Variants in CLDN16 observed in about 807,000 individuals in gnomAD.
CLDN16 encodes claudin-16.
In CLDN16, 13 loss-of-function variants were observed where a neutral mutation model predicts 24.6. The observed-to-expected ratio is 0.53, with a 90% confidence interval of 0.34 to 0.84. The LOEUF is 0.84. Among genes scored for constraint, CLDN16 ranks in the 40% least tolerant of loss-of-function variants. CLDN16 has a pLI of 0.01. For synonymous variants in CLDN16, 116 were observed against 106.7 expected, an observed-to-expected ratio of 1.09 and a Z score of -0.54; for missense variants, 298 against 292.7, an observed-to-expected ratio of 1.02 and a Z score of -0.13.
intron 1 of CLDN16, among the ~76,000 whole-genome samples, chr3:190,365,596 C>T (rs1718003952): frequency 6.7e-6 from 1 of 149,778 alleles, no homozygotes; most frequent in African/African-American, 2.5e-5. Flanking sequence ...ATACTATTTT[C>T]CAGGATCCTT....
intron 1 of CLDN16, 49 bp from the exon 2 acceptor site, chr3:190,402,288 A>G (rs1718981772): frequency 7.2e-7 from 1 of 1,395,286 alleles, no homozygotes; most frequent in Non-Finnish European, 1.0e-6. Context: ...AGGGGAACTG[A>G]ACTGTGCCTG....
At chr3:190,301,973 T>C in the CLDN16 span, among the ~76,000 whole-genome samples, 4 of 152,324 alleles carry the variant, frequency 2.6e-5, no homozygotes, top group South Asian at 8.3e-4. Context: ...GTCTTTAGAA[T>C]GGTCTGTCAT....
chr3:190,372,786 T>G (rs1718169327), intron 2 of CLDN16, among the ~76,000 whole-genome samples: 2 of 151,934 alleles, frequency 1.3e-5, no homozygotes, highest in Non-Finnish European at 2.9e-5. Flanking sequence ...ATAAAAGCAG[T>G]CATTTGTCAA....
chr3:190,389,013 T>C (rs1373334656), intron 1 of CLDN16, among the ~76,000 whole-genome samples: 1 of 152,182 alleles, frequency 6.6e-6, no homozygotes, highest in African/African-American at 2.4e-5. Context: ...TGCATCCCAA[T>C]GTACGGGGGA....
intron 1 of CLDN16, among the ~76,000 whole-genome samples, chr3:190,329,312 A>T (rs530894673): frequency 2.0e-5 from 3 of 152,134 alleles, no homozygotes; most frequent in Non-Finnish European, 4.4e-5. Flanking sequence ...ATCTATTCTG[A>T]GCTAAGAGCC....
chr3:190,379,730 C>G (rs546062894), intron 3 of CLDN16, among the ~76,000 whole-genome samples: 11 of 152,094 alleles, frequency 7.2e-5, no homozygotes, highest in Admixed American at 3.9e-4. Flanking sequence ...TTTCTTAATA[C>G]AGTGATGCAC....
At chr3:190,351,291 C>T (rs1045609814) in intron 1 of CLDN16, among the ~76,000 whole-genome samples, 13 of 152,104 alleles carry the variant, frequency 8.5e-5, no homozygotes, top group Non-Finnish European at 1.6e-4. Flanking sequence ...ACTTAGTCTC[C>T]GGTGTTCCTT....
At chr3:190,405,031 G>A in intron 3 of CLDN16, 105 bp downstream of exon 3, 1 of 1,157,746 alleles carries the variant, frequency 8.6e-7, no homozygotes, top group Non-Finnish European at 1.3e-6. Context: ...ATTATATGTG[G>A]CTTCCCTTTC....
chr3:190,359,045 A>G (rs763151958), intron 1 of CLDN16, among the ~76,000 whole-genome samples: 2 of 152,032 alleles, frequency 1.3e-5, no homozygotes, highest in African/African-American at 4.8e-5. Context: ...GTTTTGATAC[A>G]TGTATTTACT....
chr3:190,363,556 G>GTGTGTGTATATATATA (rs1301414615), intron 1 of CLDN16, among the ~76,000 whole-genome samples: 2 of 87,430 alleles, frequency 2.3e-5, no homozygotes, highest in African/African-American at 9.5e-5. Flanking sequence ...GTGTGTGTGT[G>GTGTGTGTATATATATA]TATATATATA....
chr3:190,308,931 G>C, the CLDN16 span, among the ~76,000 whole-genome samples: 11 of 152,174 alleles, frequency 7.2e-5, no homozygotes, highest in Non-Finnish European at 1.2e-4. Flanking sequence ...GTAAAGAAAA[G>C]TTCTAAGCAG....
chr3:190,409,219 C>CGTATATGCATGTATATATGCACACAT (rs1719199386), intron 4 of CLDN16, among the ~76,000 whole-genome samples: 2 of 150,990 alleles, frequency 1.3e-5, no homozygotes, highest in Non-Finnish European at 1.5e-5. Flanking sequence ...TATGCACACA[C>CGTATATGCATGTATATATGCACACAT]GTATATGCAT....
chr3:190,391,731 A>G (rs570634217), intron 1 of CLDN16, among the ~76,000 whole-genome samples: 32 of 152,304 alleles, frequency 2.1e-4, no homozygotes, highest in African/African-American at 7.7e-4. Flanking sequence ...CTTTTTGCCT[A>G]CCACACTCTA....
chr3:190,298,348 TACACACACAC>T, the CLDN16 span, among the ~76,000 whole-genome samples: 1 of 147,854 alleles, frequency 6.8e-6, no homozygotes, highest in Non-Finnish European at 1.5e-5. Flanking sequence ...ATGTATATTA[TACACACACAC>T]ACACACACAC....
At chr3:190,326,542 G>A (rs1324599754) in intron 1 of CLDN16, among the ~76,000 whole-genome samples, 1 of 152,168 alleles carries the variant, frequency 6.6e-6, no homozygotes, top group Non-Finnish European at 1.5e-5. Context: ...TAATGCCTGA[G>A]GGCTTCTTCT....
Position 190,377,868 on chromosome 3 carries a change from C to T in CLDN16, n.306+3265C>T, listed in dbSNP as rs188503210. On this transcript the variant is annotated intron_variant and non_coding_transcript_variant, in intron 3 of 4. Transcript: ENST00000468220. The stretch of plus-strand genomic sequence containing the variant: ...TCCTGGGAAAATACTTGCCTGCAAC[C>T]TTATTTATTCATCTGTAAAAGGAAT... Among the ~76,000 whole-genome samples, 46 of 151,952 alleles carry T rather than the reference C, an allele frequency of 3.0e-4. 2 individuals carry two copies. In the East Asian group the frequency reaches 8.0e-3, roughly 26 times the overall value.
intron 1 of CLDN16, among the ~76,000 whole-genome samples, chr3:190,330,000 G>A (rs16865380): frequency 0.043 from 6,479 of 151,900 alleles, 318 homozygotes; most frequent in African/African-American, 0.12. Flanking sequence ...ACTAATTTGG[G>A]GACTATTGAA....
At chr3:190,337,636 C>T (rs1288456209) in intron 1 of CLDN16, among the ~76,000 whole-genome samples, 2 of 152,170 alleles carry the variant, frequency 1.3e-5, no homozygotes, top group Non-Finnish European at 2.9e-5. Context: ...ACAAAACCAG[C>T]CAGACATTTT....
chr3:190,370,732 T>C (rs1231481120), intron 1 of CLDN16, among the ~76,000 whole-genome samples: 1 of 151,890 alleles, frequency 6.6e-6, no homozygotes, highest in African/African-American at 2.4e-5. Context: ...TTAAAGGAGA[T>C]TAACATTTGA....
Sources: gnomAD v4.1 joint callset for allele counts (sites outside exome capture counted in the v4.1 genomes callset) on GRCh38, gnomAD v4.1.1 for gene constraint, MANE v1.5 for transcripts, NCBI Gene and HGNC (gene_info 2026-07-23, HGNC 2026-07-21) for gene names.